Variants in ZC3H12B observed in about 807,000 individuals in gnomAD.
ZC3H12B encodes zinc finger CCCH-type containing 12B, also known as probable ribonuclease ZC3H12B.
A neutral mutation model predicts 43.9 loss-of-function variants in ZC3H12B; 7 were observed. That is an observed-to-expected ratio of 0.16 (90% CI 0.09 to 0.30). ZC3H12B has a LOEUF of 0.30. Ranked by LOEUF, ZC3H12B falls within the 10% of genes least tolerant of loss-of-function variation. The pLI, the probability that ZC3H12B is intolerant of heterozygous loss-of-function variation, is 1.00. For missense variants in ZC3H12B, 475 were observed against 670.2 expected, an observed-to-expected ratio of 0.71 and a Z score of 3.22; for synonymous variants, 222 against 241.7, an observed-to-expected ratio of 0.92 and a Z score of 0.76.
chrX:65,216,945 CAGTT>C, the ZC3H12B span, among the ~76,000 whole-genome samples: 1 of 111,553 alleles, frequency 9.0e-6, no homozygotes, highest in Non-Finnish European at 1.9e-5. Context: ...GAATTAGTGG[CAGTT>C]AGGCAGTAGC....
In ZC3H12B at chrX:65,427,885, T is replaced by C. The variant is rs188746135; in HGVS notation, n.407+29181T>C. On this transcript the variant is annotated intron_variant and non_coding_transcript_variant, in intron 3 of 5. Coordinates refer to the ZC3H12B transcript ENST00000617377. The stretch of plus-strand genomic sequence containing the variant: ...CACTGGTTTTTGTACTTCAGTGTGT[T>C]TTTGTAGTGGCTGGTAATGTTTTTC... Among the ~76,000 whole-genome samples, 902 of 111,928 alleles carry C rather than the reference T, an allele frequency of 8.1e-3. 6 individuals carry two copies. The highest frequency in any genetic ancestry group is 0.014 in the Non-Finnish European group (724 of 53,200).
chrX:65,292,029 CTTA>C, the ZC3H12B span, among the ~76,000 whole-genome samples: 6 of 111,536 alleles, frequency 5.4e-5, no homozygotes, highest in African/African-American at 9.7e-5. Context: ...GAGGTGACAA[CTTA>C]TTATGAGAAA....
At chrX:65,312,338 A>C in the ZC3H12B span, among the ~76,000 whole-genome samples, 4 of 111,123 alleles carry the variant, frequency 3.6e-5, no homozygotes. Flanking sequence ...CTTCCTGGTC[A>C]GAGCATTGAG....
the ZC3H12B span, chrX:65,271,744 G>A: frequency 1.4e-4 from 19 of 133,025 alleles, no homozygotes; most frequent in Non-Finnish European, 6.3e-5. Flanking sequence ...AACTTGGCAG[G>A]ACAATTGATT....
chrX:65,281,456 C>A, the ZC3H12B span, among the ~76,000 whole-genome samples: 1 of 111,027 alleles, frequency 9.0e-6, no homozygotes, highest in African/African-American at 3.3e-5. Flanking sequence ...GAACTCCTGG[C>A]CTCAAGCATT....
the ZC3H12B span, among the ~76,000 whole-genome samples, chrX:65,085,935 A>G: frequency 9.0e-6 from 1 of 111,478 alleles, no homozygotes; most frequent in East Asian, 2.8e-4. Context: ...ACATTCTCCT[A>G]CATGATCACA....
chrX:65,474,815 C>G (rs1009903377), intron 3 of ZC3H12B, among the ~76,000 whole-genome samples: 1 of 111,813 alleles, frequency 8.9e-6, no homozygotes, highest in Non-Finnish European at 1.9e-5. Context: ...CTATGTTGAC[C>G]AGTCTGGTCT....
chrX:65,086,155 C>A, the ZC3H12B span, among the ~76,000 whole-genome samples: 1 of 108,508 alleles, frequency 9.2e-6, no homozygotes, highest in South Asian at 4.1e-4. Context: ...TCTTTCTTTG[C>A]CTTCTATGAC....
chrX:65,151,822 A>G, the ZC3H12B span, among the ~76,000 whole-genome samples: 1 of 111,845 alleles, frequency 8.9e-6, no homozygotes, highest in African/African-American at 3.3e-5. Flanking sequence ...CATTGATGCA[A>G]AAATCCTCAA....
At chrX:65,463,527 C>T (rs748047989) in intron 3 of ZC3H12B, among the ~76,000 whole-genome samples, 7 of 111,601 alleles carry the variant, frequency 6.3e-5, no homozygotes, top group African/African-American at 2.3e-4. Flanking sequence ...TCTCACAATT[C>T]TGGAGGCCAG....
chrX:65,419,097 C>A (rs145242345), intron 3 of ZC3H12B, among the ~76,000 whole-genome samples: 393 of 110,691 alleles, frequency 3.6e-3, no homozygotes, highest in Non-Finnish European at 5.9e-3. Context: ...TCTTGGTGGG[C>A]CCGTGGGTCC....
At chrX:65,357,300 G>T in the ZC3H12B span, 2 of 280,519 alleles carry the variant, frequency 7.1e-6, no homozygotes, top group African/African-American at 2.8e-5. Flanking sequence ...AGTGACATTT[G>T]CTTCTTGTAG....
At chrX:65,144,777 G>C in the ZC3H12B span, among the ~76,000 whole-genome samples, 1 of 111,306 alleles carries the variant, frequency 9.0e-6, no homozygotes, top group Non-Finnish European at 1.9e-5. Context: ...GTATTTGTAT[G>C]GTTTTGGAGG....
At chrX:65,417,384 A>G (rs2066973912) in intron 3 of ZC3H12B, among the ~76,000 whole-genome samples, 1 of 112,664 alleles carries the variant, frequency 8.9e-6, no homozygotes, top group Non-Finnish European at 1.9e-5. Flanking sequence ...GTTTATTTAT[A>G]CTTTTACATA....
chrX:65,378,289 T>C (rs1014089951), intron 2 of ZC3H12B, among the ~76,000 whole-genome samples: 1 of 111,319 alleles, frequency 9.0e-6, no homozygotes, highest in African/African-American at 3.3e-5. Context: ...GAGATATAAA[T>C]AGAAATTGAA....
chrX:65,370,230 T>A (rs193127916), intron 2 of ZC3H12B, among the ~76,000 whole-genome samples: 2 of 112,420 alleles, frequency 1.8e-5, no homozygotes, highest in African/African-American at 6.5e-5. Flanking sequence ...TAGTAATATT[T>A]TTCAGAATTC....
chrX:65,201,586 T>C, the ZC3H12B span, among the ~76,000 whole-genome samples: 1 of 109,761 alleles, frequency 9.1e-6, no homozygotes, highest in African/African-American at 3.3e-5. Context: ...TGTCTTCTGC[T>C]AGCTTTGGGG....
the ZC3H12B span, among the ~76,000 whole-genome samples, chrX:65,063,274 T>C: frequency 8.9e-6 from 1 of 111,997 alleles, no homozygotes; most frequent in African/African-American, 3.2e-5. Flanking sequence ...TTTTGCCCAT[T>C]CAGTATGATA....
At chrX:65,058,587 C>G in the ZC3H12B span, among the ~76,000 whole-genome samples, 1 of 112,012 alleles carries the variant, frequency 8.9e-6, no homozygotes, top group Admixed American at 9.4e-5. Flanking sequence ...GGGAGAACCA[C>G]TACTGTCTTC....
Sources: gnomAD v4.1 joint callset for allele counts (sites outside exome capture counted in the v4.1 genomes callset) on GRCh38, gnomAD v4.1.1 for gene constraint, MANE v1.5 for transcripts, NCBI Gene and HGNC (gene_info 2026-07-23, HGNC 2026-07-21) for gene names.